ZBTB7C: variants seen among roughly 807,000 people sequenced by gnomAD.
ZBTB7C encodes the protein zinc finger and BTB domain-containing protein 7C.
ZBTB7C carries 8 observed loss-of-function variants against 25.7 expected under a neutral mutation model. The observed-to-expected ratio is 0.31, with a 90% CI of 0.18 to 0.56. The LOEUF is 0.56. Ranked by LOEUF, ZBTB7C falls within the 20% of genes least tolerant of loss-of-function variation. The pLI is 0.91. For missense variants in ZBTB7C, 824 were observed against 855.2 expected (o/e 0.96, Z 0.46); for synonymous variants, 394 against 369.0 (o/e 1.07, Z -0.78).
intron 3 of ZBTB7C, among the ~76,000 whole-genome samples, chr18:48,094,367 G>T (rs980415342): frequency 2.0e-5 from 3 of 152,150 alleles, no homozygotes; most frequent in Admixed American, 1.3e-4. Flanking sequence ...AGCACCTAAG[G>T]GACTTTGCTT....
intron 2 of ZBTB7C, among the ~76,000 whole-genome samples, chr18:48,300,200 C>A (rs1196090382): frequency 1.3e-5 from 2 of 152,104 alleles, no homozygotes; most frequent in African/African-American, 4.8e-5. Context: ...CAGACTCCCT[C>A]GGGGTGGGGT....
At chr18:48,203,056 A>G (rs973459173) in intron 2 of ZBTB7C, among the ~76,000 whole-genome samples, 2 of 151,662 alleles carry the variant, frequency 1.3e-5, no homozygotes, top group South Asian at 2.1e-4. Context: ...AGGTGTCCAC[A>G]CCTCCCAGCA....
chr18:48,394,157 A>G (rs1262194269), intron 1 of ZBTB7C, among the ~76,000 whole-genome samples: 2 of 152,184 alleles, frequency 1.3e-5, no homozygotes, highest in Non-Finnish European at 2.9e-5. Flanking sequence ...TGAACTTCCA[A>G]AACCTCCATG....
intron 3 of ZBTB7C, chr18:48,072,354 G>A: frequency 9.7e-6 from 1 of 103,518 alleles, no homozygotes; most frequent in East Asian, 2.4e-4. Flanking sequence ...TATGAAGCCT[G>A]GCGCTCAGGG....
intron 2 of ZBTB7C, among the ~76,000 whole-genome samples, chr18:48,300,315 T>C (rs2045511649): frequency 6.6e-6 from 1 of 152,082 alleles, no homozygotes; most frequent in African/African-American, 2.4e-5. Flanking sequence ...ATATCAATCA[T>C]CTCCCCCAGG....
At chr18:48,283,971 A>G (rs2044950330) in intron 2 of ZBTB7C, among the ~76,000 whole-genome samples, 1 of 151,968 alleles carries the variant, frequency 6.6e-6, no homozygotes, top group South Asian at 2.1e-4. Flanking sequence ...ACATGGCAAA[A>G]CCCCATCTCT....
chr18:48,268,511 T>TGCTAAAG (rs1404843466), intron 2 of ZBTB7C, among the ~76,000 whole-genome samples: 1 of 152,172 alleles, frequency 6.6e-6, no homozygotes, highest in Non-Finnish European at 1.5e-5. Context: ...ACAGGAGTCT[T>TGCTAAAG]GCTAAAGGCA....
intron 3 of ZBTB7C, among the ~76,000 whole-genome samples, chr18:48,135,952 G>A (rs1317054429): frequency 6.6e-6 from 1 of 152,216 alleles, no homozygotes; most frequent in African/African-American, 2.4e-5. Flanking sequence ...GCCGCCCGCT[G>A]CCCACCCGCC....
At chr18:48,149,555 C>G (rs1330651646) in intron 3 of ZBTB7C, 1 of 152,114 alleles carries the variant, frequency 6.6e-6, no homozygotes, top group Non-Finnish European at 1.5e-5. Context: ...ACCTTCACCC[C>G]ACTGCAAGGC....
At chr18:48,361,524 T>C (rs80334831) in intron 1 of ZBTB7C, among the ~76,000 whole-genome samples, 1,729 of 152,288 alleles carry the variant, frequency 0.011, 14 homozygotes, top group Middle Eastern at 0.054. Context: ...CTAAAACATA[T>C]CATGGCATCT....
chr18:48,103,987 T>C (rs577317826), intron 3 of ZBTB7C, among the ~76,000 whole-genome samples: 1 of 152,280 alleles, frequency 6.6e-6, no homozygotes, highest in South Asian at 2.1e-4. Context: ...GGGTTTCTTT[T>C]CAAGGTGATG....
At chr18:48,163,759 G>C (rs1394350911) in intron 3 of ZBTB7C, among the ~76,000 whole-genome samples, 1 of 152,226 alleles carries the variant, frequency 6.6e-6, no homozygotes, top group East Asian at 1.9e-4. Context: ...CAGTAAGCTA[G>C]TGACCAAGGC....
At chr18:48,047,414 A>G (rs927677802) in intron 3 of ZBTB7C, among the ~76,000 whole-genome samples, 6 of 152,092 alleles carry the variant, frequency 3.9e-5, no homozygotes, top group Non-Finnish European at 7.4e-5. Context: ...GATGTGAAGT[A>G]TGAACCTTTG....
chr18:48,165,275 G>T (rs1322043724), intron 3 of ZBTB7C: 2 of 488,824 alleles, frequency 4.1e-6, no homozygotes, highest in East Asian at 6.9e-5. Context: ...AAATGTTACT[G>T]ATTATTCCAG....
intron 3 of ZBTB7C, among the ~76,000 whole-genome samples, chr18:48,097,031 G>A (rs2038659657): frequency 6.6e-6 from 1 of 152,182 alleles, no homozygotes; most frequent in African/African-American, 2.4e-5. Flanking sequence ...AATTAGAAAG[G>A]AGCTTCCTTT....
intron 2 of ZBTB7C, among the ~76,000 whole-genome samples, chr18:48,299,691 G>A (rs1002637882): frequency 5.3e-5 from 8 of 152,228 alleles, no homozygotes; most frequent in Non-Finnish European, 1.2e-4. Flanking sequence ...CAGGGGAAAG[G>A]GAGGATGAAG....
intron 2 of ZBTB7C, among the ~76,000 whole-genome samples, chr18:48,196,075 G>A (rs1267252195): frequency 1.3e-5 from 2 of 152,190 alleles, no homozygotes; most frequent in African/African-American, 4.8e-5. Flanking sequence ...CTAGCTGTGG[G>A]TATCAGTCAG....
At chr18:48,186,957 T>C (rs770471467) in intron 2 of ZBTB7C, among the ~76,000 whole-genome samples, 6 of 152,130 alleles carry the variant, frequency 3.9e-5, no homozygotes, top group Non-Finnish European at 8.8e-5. Context: ...GGATAAGAAG[T>C]GAAGGCAAAG....
chr18:48,372,057 G>A (rs765518183), intron 1 of ZBTB7C, among the ~76,000 whole-genome samples: 17 of 152,124 alleles, frequency 1.1e-4, no homozygotes, highest in Non-Finnish European at 2.2e-4. Flanking sequence ...ACGTCAACAG[G>A]CCCTTCACTG....
Sources: allele counts gnomAD v4.1 joint callset (sites outside exome capture counted in the v4.1 genomes callset), GRCh38; gene constraint gnomAD v4.1.1; transcripts MANE v1.5; gene names NCBI Gene and HGNC (gene_info 2026-07-23, HGNC 2026-07-21).